The following CDC42BPA variants were observed in gnomAD, a reference collection of about 807,000 sequenced individuals.
CDC42BPA encodes the protein CDC42 binding protein kinase alpha, also known as serine/threonine-protein kinase MRCK alpha.
A neutral mutation model predicts 223.5 loss-of-function variants in CDC42BPA; 80 were observed. The ratio of observed to expected loss-of-function variants is 0.36; its 90% CI spans 0.30 to 0.43. The LOEUF is 0.43. Ranked by LOEUF, CDC42BPA falls within the 20% of genes least tolerant of loss-of-function variation. The pLI is 1.00. For missense variants in CDC42BPA, 1,743 were observed against 2,099.9 expected, an observed-to-expected ratio of 0.83 and a Z score of 3.32; for synonymous variants, 694 against 718.6, an observed-to-expected ratio of 0.97 and a Z score of 0.55.
At position 227,031,306 on chromosome 1, in the gene CDC42BPA, G is replaced by A; in HGVS notation, c.3767C>T (p.Ala1256Val). 2 of 1,610,430 alleles carry A rather than the reference G, an allele frequency of 1.2e-6. No individual in the cohort carries two copies. Among genetic ancestry groups the A allele is most frequent in the Non-Finnish European group, 1.7e-6 (2 of 1,176,744 alleles). The change falls in exon 28 of 37, where the codon GCA (alanine) becomes GTA (valine). Residue 1256 changes from alanine to valine, a missense_variant. Physicochemically the swap from Ala to Val is moderately conservative, Grantham distance 64. Transcript: ENST00000366766. ...ATGTTATAAATTCATACCTATGATT[G>A]CGGCTGCCTGGGTTGTTTTAATGAG... ...LPLIKTTQAAAIIDHERIALG... is the reference protein window; with the variant it reads ...LPLIKTTQAAVIIDHERIALG...
At chr1:227,161,826 T>A (rs1014079428) in intron 5 of CDC42BPA, among the ~76,000 whole-genome samples, 2 of 152,130 alleles carry the variant, frequency 1.3e-5, no homozygotes, top group African/African-American at 2.4e-5. Context: ...ATAGAAAAAG[T>A]TTTCAAACCC....
In CDC42BPA at chr1:227,277,477, C is replaced by G. The variant is rs1311482124; in HGVS notation, c.179-23322G>C. 2.0e-5 allele frequency among the ~76,000 whole-genome samples: 3 copies of G among 152,286 alleles called. No homozygotes were observed. The East Asian group carries it at 5.8e-4, about 29-fold the overall frequency. On this transcript the variant is annotated intron_variant, in intron 1 of 36. Coordinates refer to ENST00000366766, the MANE Select transcript of CDC42BPA (RefSeq NM_001394014.1). ...CAAGACTACAGACTAATCTCTCTGGCAAACATAATCCAAAAAATATCCTAA... is the reference window on the plus strand; with the variant it reads ...CAAGACTACAGACTAATCTCTCTGGGAAACATAATCCAAAAAATATCCTAA...
intron 2 of CDC42BPA, among the ~76,000 whole-genome samples, chr1:227,244,192 G>C (rs188058678): frequency 5.3e-5 from 8 of 152,258 alleles, no homozygotes; most frequent in African/African-American, 1.9e-4. Context: ...ACACAAATAA[G>C]TGCTCATAGC....
intron 1 of CDC42BPA, among the ~76,000 whole-genome samples, chr1:227,261,853 G>A (rs2148371561): frequency 6.6e-6 from 1 of 152,250 alleles, no homozygotes; most frequent in South Asian, 2.1e-4. Context: ...GCAACCTAGG[G>A]TGTTGGTGGG....
At chr1:227,140,449 G>A (rs1300209778) in intron 9 of CDC42BPA, among the ~76,000 whole-genome samples, 2 of 151,876 alleles carry the variant, frequency 1.3e-5, no homozygotes, top group African/African-American at 2.4e-5. Flanking sequence ...AAGGGTGAGG[G>A]GACCAGTTAA....
intron 1 of CDC42BPA, among the ~76,000 whole-genome samples, chr1:227,266,991 A>G (rs997658466): frequency 6.6e-6 from 1 of 152,202 alleles, no homozygotes; most frequent in Non-Finnish European, 1.5e-5. Context: ...GATCAGAAAG[A>G]GCAGGAAAAC....
intron 1 of CDC42BPA, among the ~76,000 whole-genome samples, chr1:227,284,656 T>G (rs1688531021): frequency 6.6e-6 from 1 of 152,176 alleles, no homozygotes; most frequent in Non-Finnish European, 1.5e-5. Flanking sequence ...CAAGTTCCCC[T>G]AACTGTTAGA....
intron 10 of CDC42BPA, among the ~76,000 whole-genome samples, chr1:227,130,521 C>A (rs1425121257): frequency 6.6e-6 from 1 of 152,000 alleles, no homozygotes; most frequent in Non-Finnish European, 1.5e-5. Context: ...TTTAAGACAT[C>A]TAAATTGGGG....
chr1:227,168,959 T>TCC, intron 5 of CDC42BPA, among the ~76,000 whole-genome samples: 1 of 152,292 alleles, frequency 6.6e-6, no homozygotes, highest in Non-Finnish European at 1.5e-5. Flanking sequence ...AACAGGTCCT[T>TCC]GGACTACTAT....
At chr1:227,313,050 GACTA>G (rs1370285124) in intron 1 of CDC42BPA, among the ~76,000 whole-genome samples, 1 of 151,942 alleles carries the variant, frequency 6.6e-6, no homozygotes. Flanking sequence ...TGCGAGAACA[GACTA>G]ACAAAACCCT....
chr1:227,050,280 A>T (rs923506707), intron 22 of CDC42BPA, among the ~76,000 whole-genome samples: 2 of 152,204 alleles, frequency 1.3e-5, no homozygotes, highest in Non-Finnish European at 2.9e-5. Context: ...ATGACACTTA[A>T]TACCCATCAA....
At chr1:227,139,250 T>A (rs1332749040) in intron 10 of CDC42BPA, among the ~76,000 whole-genome samples, 1 of 152,082 alleles carries the variant, frequency 6.6e-6, no homozygotes, top group Non-Finnish European at 1.5e-5. Flanking sequence ...CTCTTAAAGA[T>A]TGAGCAAATA....
chr1:227,038,448 T>C (rs1054713217), intron 24 of CDC42BPA, among the ~76,000 whole-genome samples: 47 of 152,320 alleles, frequency 3.1e-4, no homozygotes, highest in Admixed American at 2.9e-3. Flanking sequence ...AGGGATAAGA[T>C]GATGTCAAAG....
At chr1:227,264,713 A>G (rs1241671050) in intron 1 of CDC42BPA, 5 of 700,816 alleles carry the variant, frequency 7.1e-6, no homozygotes, top group Non-Finnish European at 1.3e-5. Context: ...GAGAAATAAA[A>G]TATATGCCAG....
chr1:227,114,602 C>T (rs1029351489), intron 12 of CDC42BPA, among the ~76,000 whole-genome samples: 6 of 151,996 alleles, frequency 3.9e-5, no homozygotes, highest in Non-Finnish European at 5.9e-5. Context: ...AAGATAACAG[C>T]TAAAATACTG....
intron 3 of CDC42BPA, among the ~76,000 whole-genome samples, chr1:227,206,367 T>C (rs1672721886): frequency 6.6e-6 from 1 of 152,104 alleles, no homozygotes; most frequent in Admixed American, 6.6e-5. Context: ...TATATTATTA[T>C]ACCTTTCTGC....
chr1:227,275,611 C>T (rs1285694381), intron 1 of CDC42BPA, among the ~76,000 whole-genome samples: 1 of 150,534 alleles, frequency 6.6e-6, no homozygotes, highest in African/African-American at 2.4e-5. Context: ...CTCTCCCCCT[C>T]CCCACGGTCT....
chr1:227,031,669 T>A (rs767365527), intron 27 of CDC42BPA, among the ~76,000 whole-genome samples, 155 bp from the exon 28 acceptor site: 1 of 152,204 alleles, frequency 6.6e-6, no homozygotes, highest in Non-Finnish European at 1.5e-5. Context: ...TCAGAATAAC[T>A]ACCTTTAGCA....
chr1:227,221,102 ACTGT>A (rs1675818595), intron 2 of CDC42BPA, among the ~76,000 whole-genome samples: 1 of 152,224 alleles, frequency 6.6e-6, no homozygotes. Context: ...TTCAATAACA[ACTGT>A]CTAATTTCCA....
Sources: allele counts gnomAD v4.1 joint callset (sites outside exome capture counted in the v4.1 genomes callset), GRCh38; gene constraint gnomAD v4.1.1; transcripts MANE v1.5; gene names NCBI Gene and HGNC (gene_info 2026-07-23, HGNC 2026-07-21).